The following BRINP1 variants were observed in gnomAD, a reference collection of about 807,000 sequenced individuals.
BRINP1 encodes the protein BMP/retinoic acid-inducible neural-specific protein 1.
A neutral mutation model predicts 72.9 loss-of-function variants in BRINP1; 17 were observed. The ratio of observed to expected loss-of-function variants is 0.23; its 90% CI spans 0.16 to 0.35. The LOEUF is 0.35. BRINP1 is among the 10% of genes least tolerant of loss of function. The pLI, the probability that BRINP1 is intolerant of heterozygous loss-of-function variation, is 1.00. For missense variants in BRINP1, 850 were observed against 1,001.6 expected (o/e 0.85, Z 2.04); for synonymous variants, 418 against 378.5 (o/e 1.10, Z -1.21).
chr9:119,368,713 G>GAC lies in BRINP1; in HGVS notation c.-51+341_-51+342dup, dbSNP rs139249807. Among the ~76,000 whole-genome samples the GAC allele has an allele frequency of 3.3e-5, 5 of 151,386 alleles. No homozygotes were observed. Among genetic ancestry groups the GAC allele is most frequent in the Admixed American group, 6.6e-5 (1 of 15,194 alleles). On this transcript the variant is annotated intron_variant, in intron 1 of 7. Coordinates refer to ENST00000265922, the MANE Select transcript of BRINP1 (RefSeq NM_014618.3). This position sits in a 1 kb window ranked among gnomAD's most constrained non-coding sequence, Gnocchi z 4.7. ...TCTTCACCCCTCCCTTACACACACGGACACACACACACACCACGAACACAC... is the reference window on the plus strand; with the variant it reads ...TCTTCACCCCTCCCTTACACACACGGACACACACACACACACCACGAACACAC...
At chr9:119,264,389 C>T (rs1156563748) in intron 2 of BRINP1, among the ~76,000 whole-genome samples, 3 of 152,358 alleles carry the variant, frequency 2.0e-5, no homozygotes, top group African/African-American at 7.2e-5. Flanking sequence ...ATATGACAGC[C>T]AGAATTATCT....
chr9:119,217,700 T>C (rs1829992690), intron 5 of BRINP1, among the ~76,000 whole-genome samples: 1 of 152,192 alleles, frequency 6.6e-6, no homozygotes, highest in South Asian at 2.1e-4. Flanking sequence ...ACAATATTTT[T>C]TGTAGCTTGT....
At chr9:119,262,157 T>C (rs984627407) in intron 2 of BRINP1, among the ~76,000 whole-genome samples, 6 of 152,216 alleles carry the variant, frequency 3.9e-5, no homozygotes, top group African/African-American at 1.2e-4. Flanking sequence ...TAACTATCTC[T>C]ATGACACTAT....
chr9:119,283,312 G>A, intron 2 of BRINP1: 1 of 425,370 alleles, frequency 2.4e-6, no homozygotes, highest in Non-Finnish European at 3.1e-6. Context: ...GACAGACCCA[G>A]TGACTCAGAA....
chr9:119,200,259 T>C (rs1025989278), intron 7 of BRINP1, among the ~76,000 whole-genome samples: 1 of 152,136 alleles, frequency 6.6e-6, no homozygotes, highest in Non-Finnish European at 1.5e-5. Context: ...TTATGAAGAA[T>C]ATAGAAAAGA....
chr9:119,194,893 C>T (rs866836897), intron 7 of BRINP1, among the ~76,000 whole-genome samples: 1 of 152,150 alleles, frequency 6.6e-6, no homozygotes, highest in Non-Finnish European at 1.5e-5. Context: ...GAAACTATAA[C>T]ATAATAAATC....
chr9:119,367,220 T>TTATATATATATATATATATATATATATA (rs1564259751), intron 1 of BRINP1, among the ~76,000 whole-genome samples: 10 of 44,784 alleles, frequency 2.2e-4, no homozygotes, highest in Admixed American at 7.5e-4. Context: ...TGTGTGTGAT[T>TTATATATATATATATATATATATATATA]GATATATATA....
chr9:119,251,875 A>G (rs1401215526), intron 2 of BRINP1, among the ~76,000 whole-genome samples: 1 of 152,038 alleles, frequency 6.6e-6, no homozygotes, highest in East Asian at 1.9e-4. Flanking sequence ...TTAATAGAAT[A>G]TGAAAGTGAT....
At chr9:119,239,716 C>T (rs899001302) in intron 4 of BRINP1, among the ~76,000 whole-genome samples, 4 of 152,094 alleles carry the variant, frequency 2.6e-5, no homozygotes, top group Non-Finnish European at 5.9e-5. Flanking sequence ...GTTAGTAATG[C>T]TATTAGTCAC....
At chr9:119,173,559 A>C (rs1279472705) in intron 7 of BRINP1, among the ~76,000 whole-genome samples, 1 of 152,194 alleles carries the variant, frequency 6.6e-6, no homozygotes, top group Non-Finnish European at 1.5e-5. Context: ...CATACTGGCC[A>C]TACTGCCCAA....
chr9:119,354,031 C>A (rs925928083), intron 1 of BRINP1, among the ~76,000 whole-genome samples: 1 of 151,694 alleles, frequency 6.6e-6, no homozygotes, highest in African/African-American at 2.4e-5. Flanking sequence ...GTGAAACTTA[C>A]ATTAAACACC....
intron 1 of BRINP1, among the ~76,000 whole-genome samples, chr9:119,330,958 T>C (rs1196610324): frequency 6.6e-6 from 1 of 152,044 alleles, no homozygotes; most frequent in Non-Finnish European, 1.5e-5. Flanking sequence ...ACCCAGCAGG[T>C]GGAGGCTGCA....
At chr9:119,254,443 C>A (rs1182288372) in intron 2 of BRINP1, among the ~76,000 whole-genome samples, 1 of 152,040 alleles carries the variant, frequency 6.6e-6, no homozygotes, top group Non-Finnish European at 1.5e-5. Flanking sequence ...AAAAAAATAA[C>A]AGCAAATGCA....
chr9:119,339,587 A>G (rs1369418961), intron 1 of BRINP1, among the ~76,000 whole-genome samples: 2 of 152,220 alleles, frequency 1.3e-5, no homozygotes, highest in African/African-American at 4.8e-5. Flanking sequence ...GAATGAATAC[A>G]TATCTTTGGA....
intron 1 of BRINP1, among the ~76,000 whole-genome samples, chr9:119,324,240 G>A (rs1221147181): frequency 6.6e-6 from 1 of 151,988 alleles, no homozygotes; most frequent in Non-Finnish European, 1.5e-5. Context: ...AATTTCTAGT[G>A]TACTTGTTTA....
intron 2 of BRINP1, among the ~76,000 whole-genome samples, chr9:119,294,295 C>T (rs931262474): frequency 1.3e-5 from 2 of 152,152 alleles, no homozygotes; most frequent in African/African-American, 2.4e-5. Context: ...CTTTGGGAGG[C>T]CGAGGCGGAT....
chr9:119,335,974 T>C (rs1219830652), intron 1 of BRINP1, among the ~76,000 whole-genome samples: 1 of 152,224 alleles, frequency 6.6e-6, no homozygotes, highest in African/African-American at 2.4e-5. Flanking sequence ...TTCTTTTGAA[T>C]GCCACCTGAG....
intron 5 of BRINP1, among the ~76,000 whole-genome samples, chr9:119,225,046 G>A (rs903692345): frequency 2.0e-5 from 3 of 151,866 alleles, no homozygotes; most frequent in Non-Finnish European, 4.4e-5. Context: ...ATATTCAAAA[G>A]AACTGTAGAC....
Position 119,320,388 on chromosome 9 carries a change from A to T in BRINP1, c.-50-6983T>A, listed in dbSNP as rs574431898. Reference sequence around the variant, plus strand: ...TATCTATTCATTCATTACCATACTGAACAACTATTATGTGTCAGGTACTCT... The same window carrying T: ...TATCTATTCATTCATTACCATACTGTACAACTATTATGTGTCAGGTACTCT... On this transcript the variant is annotated intron_variant, in intron 1 of 7. Transcript: ENST00000265922. 2.6e-5 allele frequency among the ~76,000 whole-genome samples: 4 copies of T among 152,316 alleles called. No homozygotes were observed. In the East Asian group the frequency reaches 5.8e-4, roughly 22 times the overall value.
Sources: allele counts gnomAD v4.1 joint callset (sites outside exome capture counted in the v4.1 genomes callset), GRCh38; gene constraint gnomAD v4.1.1; non-coding constraint Gnocchi (gnomAD v3.1); transcripts MANE v1.5; gene names NCBI Gene and HGNC (gene_info 2026-07-23, HGNC 2026-07-21).